RANBP17: variants seen among roughly 807,000 people sequenced by gnomAD.
The protein encoded by RANBP17 is ran-binding protein 17.
RANBP17 carries 158 observed loss-of-function variants against 141.2 expected under a neutral mutation model. That is an observed-to-expected ratio of 1.12 (90% CI 0.98 to 1.28). The LOEUF (loss-of-function observed/expected upper bound fraction) is 1.28. RANBP17 is among the 50% of genes most tolerant of loss of function. The pLI, the probability that RANBP17 is intolerant of heterozygous loss-of-function variation, is 0.00. For missense variants in RANBP17, 1,438 were observed against 1,290.7 expected (o/e 1.11, Z -1.75); for synonymous variants, 430 against 450.0 (o/e 0.96, Z 0.56).
intron 18 of RANBP17, among the ~76,000 whole-genome samples, chr5:171,191,415 G>A (rs766035337): frequency 1.3e-5 from 2 of 152,116 alleles, no homozygotes; most frequent in African/African-American, 4.8e-5. Flanking sequence ...GAGGCCGGGC[G>A]CAGTGGCTCA....
intron 14 of RANBP17, among the ~76,000 whole-genome samples, chr5:171,154,419 G>C: frequency 6.6e-6 from 1 of 152,080 alleles, no homozygotes; most frequent in Non-Finnish European, 1.5e-5. Context: ...TGAGATTACA[G>C]GCATGCGCCA....
intron 4 of RANBP17, among the ~76,000 whole-genome samples, chr5:170,893,362 C>T (rs1243806895): frequency 1.3e-5 from 2 of 152,074 alleles, no homozygotes; most frequent in Non-Finnish European, 2.9e-5. Flanking sequence ...GCTCTTGTTT[C>T]CTGTTTACTC....
chr5:171,063,570 A>G (rs183753588), intron 14 of RANBP17, among the ~76,000 whole-genome samples: 2,760 of 152,194 alleles, frequency 0.018, 79 homozygotes, highest in African/African-American at 0.063. Flanking sequence ...GTCTGCCCCT[A>G]CTAGGGGGTG....
intron 24 of RANBP17, among the ~76,000 whole-genome samples, chr5:171,265,077 A>G (rs1239729983): frequency 6.6e-6 from 1 of 152,262 alleles, no homozygotes; most frequent in Non-Finnish European, 1.5e-5. Context: ...CCTGTAAAAC[A>G]GAGCACTTTG....
At chr5:171,202,924 C>A (rs1164551079) in intron 19 of RANBP17, among the ~76,000 whole-genome samples, 2 of 152,138 alleles carry the variant, frequency 1.3e-5, no homozygotes, top group African/African-American at 4.8e-5. Context: ...GTGAGACTTT[C>A]CATTAGAAAC....
intron 14 of RANBP17, among the ~76,000 whole-genome samples, chr5:171,160,360 G>A (rs1308105194): frequency 6.6e-6 from 1 of 151,992 alleles, no homozygotes; most frequent in African/African-American, 2.4e-5. Context: ...CTGTTTTCTA[G>A]TATCTAGTCC....
intron 12 of RANBP17, among the ~76,000 whole-genome samples, chr5:170,948,330 A>C (rs867784417): frequency 6.6e-6 from 1 of 152,216 alleles, no homozygotes; most frequent in Admixed American, 6.5e-5. Context: ...GAGTGAAAAA[A>C]TGGCAGATTC....
At chr5:170,896,965 GA>G in intron 5 of RANBP17, 1 of 1,013,534 alleles carries the variant, frequency 9.9e-7, no homozygotes, top group Non-Finnish European at 1.5e-6. Flanking sequence ...TGGCCAGTGC[GA>G]AAACCAGATT....
At chr5:171,031,141 C>A (rs1781525086) in intron 14 of RANBP17, among the ~76,000 whole-genome samples, 1 of 151,860 alleles carries the variant, frequency 6.6e-6, no homozygotes, top group South Asian at 2.1e-4. Context: ...AGGATGAGCT[C>A]TTAATCATCT....
intron 14 of RANBP17, among the ~76,000 whole-genome samples, chr5:171,075,949 GA>G (rs942768566): frequency 6.6e-6 from 1 of 150,712 alleles, no homozygotes; most frequent in Non-Finnish European, 1.5e-5. Flanking sequence ...TGAGACTTGT[GA>G]AAAAAAAGAA....
At chr5:171,136,634 C>G (rs1445750667) in intron 14 of RANBP17, among the ~76,000 whole-genome samples, 1 of 152,128 alleles carries the variant, frequency 6.6e-6, no homozygotes, top group African/African-American at 2.4e-5. Flanking sequence ...AGATTATTGT[C>G]TTAGGAGAGT....
At chr5:170,974,801 T>C (rs1332813096) in intron 14 of RANBP17, among the ~76,000 whole-genome samples, 3 of 152,294 alleles carry the variant, frequency 2.0e-5, no homozygotes, top group East Asian at 3.9e-4. Flanking sequence ...TAGCCTAGGC[T>C]GCACTTGGGC....
chr5:171,020,536 CT>C (rs1223198966), intron 14 of RANBP17, among the ~76,000 whole-genome samples: 1 of 150,952 alleles, frequency 6.6e-6, no homozygotes, highest in Non-Finnish European at 1.5e-5. Context: ...TTCCTTGTCT[CT>C]TTTTGGTCTT....
chr5:171,035,548 T>C (rs1280442022), intron 14 of RANBP17, among the ~76,000 whole-genome samples: 3 of 150,748 alleles, frequency 2.0e-5, no homozygotes, highest in Non-Finnish European at 4.4e-5. Flanking sequence ...TTTTTTTGTT[T>C]TGTTTTTTAG....
At chr5:171,035,737 G>GTTTTTTTTTTTTTTTT (rs781327156) in intron 14 of RANBP17, among the ~76,000 whole-genome samples, 5 of 95,370 alleles carry the variant, frequency 5.2e-5, no homozygotes, top group Non-Finnish European at 4.9e-5. Flanking sequence ...TTCTTTTTTT[G>GTTTTTTTTTTTTTTTT]TTTTTTTTTT....
chr5:170,943,661 CTT>C (rs1311351983), intron 12 of RANBP17, among the ~76,000 whole-genome samples: 4 of 151,890 alleles, frequency 2.6e-5, no homozygotes, highest in Admixed American at 6.6e-5. Flanking sequence ...AGATATGAAA[CTT>C]ATGTAGCAGA....
intron 12 of RANBP17, among the ~76,000 whole-genome samples, chr5:170,928,103 T>TA (rs1773073672): frequency 6.6e-6 from 1 of 152,138 alleles, no homozygotes; most frequent in South Asian, 2.1e-4. Flanking sequence ...CATTCCCTAA[T>TA]GATTAATGAT....
intron 14 of RANBP17, among the ~76,000 whole-genome samples, chr5:171,045,429 A>G (rs550615359): frequency 1.3e-5 from 2 of 152,296 alleles, no homozygotes; most frequent in South Asian, 4.1e-4. Flanking sequence ...AGCTGGAAAG[A>G]TGAGTTTTCT....
At chr5:170,964,468 ACATGTAC>A (rs1373960854) in intron 13 of RANBP17, among the ~76,000 whole-genome samples, 4 of 152,216 alleles carry the variant, frequency 2.6e-5, no homozygotes, top group African/African-American at 9.6e-5. Context: ...ACATATGTAT[ACATGTAC>A]CATGCTGGTG....
Sources: gnomAD v4.1 joint callset for allele counts (sites outside exome capture counted in the v4.1 genomes callset) on GRCh38, gnomAD v4.1.1 for gene constraint, MANE v1.5 for transcripts, NCBI Gene and HGNC (gene_info 2026-07-23, HGNC 2026-07-21) for gene names.